Variants in LCORL observed in about 807,000 individuals in gnomAD.
LCORL encodes the protein ligand-dependent nuclear receptor corepressor-like protein.
LCORL carries 41 observed loss-of-function variants against 141.8 expected under a neutral mutation model. The observed-to-expected ratio is 0.29, with a 90% CI of 0.23 to 0.38. The LOEUF is 0.38. Among genes scored for constraint, LCORL ranks in the 10% least tolerant of loss-of-function variants. LCORL has a pLI of 1.00. For synonymous variants in LCORL, 618 were observed against 694.1 expected (o/e 0.89, Z 1.72); for missense variants, 1,759 against 2,035.0 (o/e 0.86, Z 2.61).
chr4:17,911,078 A>G (rs1732443075), intron 4 of LCORL, among the ~76,000 whole-genome samples: 2 of 152,150 alleles, frequency 1.3e-5, no homozygotes. Flanking sequence ...TACATTCATT[A>G]AGACAGAAAT....
chr4:18,010,004 G>C (rs1224418137), intron 1 of LCORL, among the ~76,000 whole-genome samples: 1 of 152,124 alleles, frequency 6.6e-6, no homozygotes, highest in Non-Finnish European at 1.5e-5. Context: ...GGAGGAAGAA[G>C]ACATTGAAGA....
exon 4 of LCORL, chr4:17,961,911 C>G: frequency 1.9e-6 from 3 of 1,607,280 alleles, no homozygotes; most frequent in Non-Finnish European, 2.5e-6. Context: ...ACCTTTCTTT[C>G]GAAAGAGTGC....
intron 4 of LCORL, among the ~76,000 whole-genome samples, chr4:17,951,788 G>C (rs1218727268): frequency 6.6e-6 from 1 of 152,212 alleles, no homozygotes; most frequent in African/African-American, 2.4e-5. Context: ...GCAGTGCCTG[G>C]CATGTAGTAG....
chr4:17,993,823 G>C (rs545380381), intron 1 of LCORL, among the ~76,000 whole-genome samples: 1 of 152,056 alleles, frequency 6.6e-6, no homozygotes, highest in Non-Finnish European at 1.5e-5. Flanking sequence ...TGAGAGGAAA[G>C]ACAAGAATGT....
chr4:17,949,582 T>G (rs1283974877), intron 4 of LCORL, among the ~76,000 whole-genome samples: 1 of 152,134 alleles, frequency 6.6e-6, no homozygotes, highest in African/African-American at 2.4e-5. Flanking sequence ...TTCCTTTGCT[T>G]TCTTTTACTG....
intron 7 of LCORL, among the ~76,000 whole-genome samples, chr4:17,846,339 A>G (rs1354595571): frequency 6.6e-6 from 1 of 152,182 alleles, no homozygotes; most frequent in African/African-American, 2.4e-5. Flanking sequence ...GCAAAAGCCA[A>G]GTAAGGTTGG....
chr4:17,886,567 G>A (rs1421972586), intron 5 of LCORL, among the ~76,000 whole-genome samples: 2 of 151,988 alleles, frequency 1.3e-5, no homozygotes, highest in Non-Finnish European at 2.9e-5. Flanking sequence ...TAGAAAATGT[G>A]ATGATGAGTA....
At chr4:17,998,331 A>G (rs1157403689) in intron 1 of LCORL, among the ~76,000 whole-genome samples, 1 of 152,126 alleles carries the variant, frequency 6.6e-6, no homozygotes, top group Non-Finnish European at 1.5e-5. Flanking sequence ...TTAACTTACT[A>G]TAATTTTTTT....
At chr4:17,944,261 T>G (rs1241981316) in intron 4 of LCORL, among the ~76,000 whole-genome samples, 1 of 152,206 alleles carries the variant, frequency 6.6e-6, no homozygotes, top group Non-Finnish European at 1.5e-5. Flanking sequence ...TTATTGACTA[T>G]AGACCCCTGT....
intron 1 of LCORL, among the ~76,000 whole-genome samples, chr4:17,999,013 T>TATATATATATATATATATATATACACAC (rs1721456410): frequency 2.6e-5 from 1 of 38,862 alleles, no homozygotes; most frequent in African/African-American, 5.5e-5. Context: ...TACACACATA[T>TATATATATATATATATATATATACACAC]ATATATATAT....
chr4:17,915,553 G>C (rs183617092), intron 4 of LCORL, among the ~76,000 whole-genome samples: 16 of 152,286 alleles, frequency 1.1e-4, no homozygotes, highest in Admixed American at 1.0e-3. Flanking sequence ...TGGCCTTTGG[G>C]AATAGTATTA....
In LCORL at chr4:18,010,330, T is replaced by C. The variant is rs1723502139; in HGVS notation, c.154+11268A>G. On this transcript the variant is annotated intron_variant, in intron 1 of 7. Coordinates refer to ENST00000635767, the Ensembl canonical transcript of LCORL. ...AATTTTATTTTGAGAGTTTAAAAAATACAGTTGTTCCAAACACTAAAATAT... is the reference window on the plus strand; with the variant it reads ...AATTTTATTTTGAGAGTTTAAAAAACACAGTTGTTCCAAACACTAAAATAT... 2.6e-5 allele frequency among the ~76,000 whole-genome samples: 4 copies of C among 152,244 alleles called. No homozygotes were observed. The South Asian group carries it at 8.3e-4, about 32-fold the overall frequency.
exon 7 of LCORL, chr4:17,876,814 G>A (rs1233674674): frequency 8.1e-7 from 1 of 1,230,382 alleles, no homozygotes; most frequent in Non-Finnish European, 1.0e-6. Context: ...ATTTTCTCAG[G>A]GGAAGTTGTT....
intron 5 of LCORL, among the ~76,000 whole-genome samples, chr4:17,892,505 C>T (rs1319274864): frequency 2.0e-5 from 3 of 152,068 alleles, no homozygotes; most frequent in Non-Finnish European, 4.4e-5. Context: ...CCACCATGCC[C>T]GGGCTCAAAT....
At chr4:17,960,868 T>G (rs1713634918) in intron 4 of LCORL, among the ~76,000 whole-genome samples, 2 of 151,704 alleles carry the variant, frequency 1.3e-5, no homozygotes, top group Non-Finnish European at 2.9e-5. Context: ...CTCTTGCTCT[T>G]AAAAATTATA....
At chr4:17,919,462 T>G (rs1203609747) in intron 4 of LCORL, among the ~76,000 whole-genome samples, 2 of 152,184 alleles carry the variant, frequency 1.3e-5, no homozygotes, top group African/African-American at 4.8e-5. Context: ...TATCCATTAG[T>G]AATACACATA....
intron 4 of LCORL, among the ~76,000 whole-genome samples, chr4:17,947,252 G>A (rs1335460396): frequency 6.6e-6 from 1 of 151,928 alleles, no homozygotes; most frequent in Non-Finnish European, 1.5e-5. Flanking sequence ...GATGGAATTG[G>A]AGAACATTAT....
chr4:17,918,414 A>C (rs1221559478), intron 4 of LCORL, among the ~76,000 whole-genome samples: 1 of 152,230 alleles, frequency 6.6e-6, no homozygotes. Flanking sequence ...AAAACTTTAA[A>C]TCAGACATTT....
chr4:17,963,874 T>C (rs888297770), intron 2 of LCORL, among the ~76,000 whole-genome samples: 3 of 152,050 alleles, frequency 2.0e-5, no homozygotes, highest in East Asian at 1.9e-4. Context: ...AAAACCATTA[T>C]CATCTAAGGC....
Sources: allele counts gnomAD v4.1 joint callset (sites outside exome capture counted in the v4.1 genomes callset), GRCh38; gene constraint gnomAD v4.1.1; transcripts MANE v1.5; gene names NCBI Gene and HGNC (gene_info 2026-07-23, HGNC 2026-07-21).